Variants in PLXNB3 observed in about 807,000 individuals in gnomAD.
PLXNB3 encodes plexin B3, also known as plexin-B3.
Under a neutral mutation model 125.7 loss-of-function variants are expected in PLXNB3, and 80 were observed. The observed-to-expected ratio is 0.64, with a 90% confidence interval of 0.53 to 0.77. The LOEUF (loss-of-function observed/expected upper bound fraction) is 0.77, where lower values mean the gene tolerates loss of function less well. PLXNB3 is among the 30% of genes least tolerant of loss of function. The pLI is 0.00. For missense variants in PLXNB3, 1,836 were observed against 1,729.3 expected, an observed-to-expected ratio of 1.06 and a Z score of -1.09; for synonymous variants, 954 against 783.3, an observed-to-expected ratio of 1.22 and a Z score of -3.64.
At chrX:153,772,146 T>C in intron 15 of PLXNB3, 36 bp from the exon 16 acceptor site, 1 of 890,041 alleles carries the variant, frequency 1.1e-6, no homozygotes, top group South Asian at 4.2e-5. Flanking sequence ...CCTCCGTCCC[T>C]GAGCCCTGAG....
Position 153,775,585 on chromosome X carries a change from T to G in PLXNB3, c.4335-9T>G. ...ACAAAGGCCTGACCCTGTGGCCGGCTCCCCGCAGGACAGAGACCATGGTGG... is the reference window on the plus strand; with the variant it reads ...ACAAAGGCCTGACCCTGTGGCCGGCGCCCCGCAGGACAGAGACCATGGTGG... On this transcript the variant is annotated splice_polypyrimidine_tract_variant and intron_variant, in intron 25 of 35. Transcript: ENST00000361971. The G allele has an allele frequency of 8.3e-7, 1 of 1,208,627 alleles. No homozygotes were observed. Among genetic ancestry groups the G allele is most frequent in the Non-Finnish European group, 1.1e-6 (1 of 893,467 alleles).
intron 2 of PLXNB3, chrX:153,766,609 T>C: frequency 2.8e-6 from 3 of 1,058,535 alleles, no homozygotes; most frequent in Non-Finnish European, 3.6e-6. Context: ...AATTCTGTCC[T>C]TGTGTGCTTG....
chrX:153,778,791 G>A (rs1438851947), intron 35 of PLXNB3, 117 bp downstream of exon 35: 10 of 1,117,119 alleles, frequency 9.0e-6, no homozygotes, highest in East Asian at 3.3e-5. Flanking sequence ...GAAGGGACTC[G>A]GCTTTCATTC....
At chrX:153,769,750 CGG>C in intron 6 of PLXNB3, 55 bp from the exon 7 acceptor site, 1 of 1,137,164 alleles carries the variant, frequency 8.8e-7, no homozygotes, top group East Asian at 3.2e-5. Context: ...CCCCTGTTGC[CGG>C]TCATCCTTGG....
chrX:153,778,988 C>T lies in PLXNB3; in HGVS notation c.5679C>T (p.Cys1893=). Residue 1893 remains cysteine, a synonymous_variant, in exon 36 of 36, where the codon TGC becomes TGT. Coordinates refer to ENST00000361971, the MANE Select transcript of PLXNB3 (RefSeq NM_005393.3). ...TGGGCCAGAAGCTGCAGCTGGCCTG[C>T]CGCCTGCAGCAGGTCGCCGCCCTGG... ...DPVGQKLQLA[C]RLQQVAALVE... The T allele has an allele frequency of 8.3e-7, 1 of 1,198,247 alleles. No individual in the cohort carries two copies. Among genetic ancestry groups the T allele is most frequent in the Non-Finnish European group, 1.1e-6 (1 of 889,154 alleles).
intron 2 of PLXNB3, 150 bp from the exon 3 acceptor site, chrX:153,766,723 T>C: frequency 9.5e-7 from 1 of 1,057,819 alleles, no homozygotes; most frequent in Non-Finnish European, 1.2e-6. Context: ...TGTCTCCTTG[T>C]CTCCGCTCAC....
rs782394379 is a variant in PLXNB3, at chrX:153,776,983, G to A, written c.4927+3G>A. ...CCAGAGGTGCCCCTTGGGAGAGAGT[G>A]AGTCCCTCGGCCCTGACCTGGGGCC... On this transcript the variant is annotated splice_donor_region_variant and intron_variant, in intron 29 of 35. Coordinates refer to ENST00000361971, the MANE Select transcript of PLXNB3 (RefSeq NM_005393.3). 11 of 1,150,078 alleles carry A rather than the reference G, an allele frequency of 9.6e-6. No individual in the cohort carries two copies. The highest frequency in any genetic ancestry group is 1.3e-5 in the Non-Finnish European group (11 of 849,597). 94.8% of individuals were successfully genotyped at this position (1,150,078 alleles called of 1,213,427 possible).
chrX:153,770,423 C>A lies in PLXNB3; in HGVS notation c.1872C>A (p.Val624=). The A allele has an allele frequency of 8.3e-7, 1 of 1,210,307 alleles. No homozygotes were observed. The change falls in exon 9 of 36, where the codon GTC becomes GTA. Residue 624 remains valine, a synonymous_variant. Transcript: ENST00000361971. The part of the protein sequence containing the change: ...TNFSFYDCSA[V]QALEAAAPCR... ...TCTCCTTTTATGACTGCAGTGCCGT[C>A]CAGGCCTTGGAGGCGGCTGCCCCGT... is the stretch of plus-strand genomic sequence containing the variant.
chrX:153,771,267 G>T, intron 12 of PLXNB3, 43 bp from the exon 13 acceptor site: 1 of 1,071,876 alleles, frequency 9.3e-7, no homozygotes, highest in Non-Finnish European at 1.3e-6. Context: ...AGTCAGAGGT[G>T]CCCTGAGTGG....
At position 153,778,940 on chromosome X, in the gene PLXNB3, C is replaced by A; in HGVS notation, c.5631C>A (p.Ile1877=). The A allele has an allele frequency of 8.5e-7, 1 of 1,173,943 alleles. No homozygotes were observed. The highest frequency in any genetic ancestry group is 1.1e-6 in the Non-Finnish European group (1 of 876,504). The change falls in exon 36 of 36, where the codon ATC becomes ATA. Residue 1877 remains isoleucine, a synonymous_variant. Coordinates refer to ENST00000361971, the MANE Select transcript of PLXNB3 (RefSeq NM_005393.3). ...NHIHRYYDQI[I]SALEEDPVGQ... Reference sequence around the variant, plus strand: ...ACCCTCCTCTGCCCGGGCAGATTATCAGTGCCCTGGAGGAGGACCCTGTGG... The same window carrying A: ...ACCCTCCTCTGCCCGGGCAGATTATAAGTGCCCTGGAGGAGGACCCTGTGG...
Position 153,778,237 on chromosome X carries a change from GCGCCTCCCCT to G in PLXNB3, c.5410-22_5410-13del, listed in dbSNP as rs781901325. ...ACCTTCACCTCCGAGCTCATGCCTA[GCGCCTCCCCT>G]CCCTCCGGAGCAGGATTCCCCAGTG... On this transcript the variant is annotated splice_polypyrimidine_tract_variant and intron_variant, in intron 32 of 35. Transcript: ENST00000361971. The G allele has an allele frequency of 8.3e-7, 1 of 1,201,178 alleles. No individual in the cohort carries two copies. Among genetic ancestry groups the G allele is most frequent in the African/African-American group, 1.7e-5 (1 of 57,555 alleles).
rs1351284499 is a variant in PLXNB3, at chrX:153,769,257, G to A, written c.1491G>A (p.Gln497=). 2.6e-6 allele frequency: 3 copies of A among 1,161,035 alleles called. No individual in the cohort carries two copies. Among genetic ancestry groups the A allele is most frequent in the Admixed American group, 5.1e-5 (2 of 39,234 alleles). ...CGCTGTGTGGCTGGTGTGTCCTCCA[G>A]GGCAGGTGAGCACGGGGCCTGTGCC... ...QDPLCGWCVL[Q]GRCTRKGQCG... Residue 497 remains glutamine, a synonymous_variant, in exon 6 of 36, where the codon CAG becomes CAA. Transcript: ENST00000361971.
At chrX:153,769,667 T>C in intron 6 of PLXNB3, 140 bp from the exon 7 acceptor site, 1 of 659,346 alleles carries the variant, frequency 1.5e-6, no homozygotes, top group Non-Finnish European at 2.3e-6. Flanking sequence ...CCCCTTTCTC[T>C]CTGGACACAG....
rs782665748 is a variant in PLXNB3, at chrX:153,776,207, A to T, written c.4722A>T (p.Leu1574=). 8.5e-7 allele frequency: 1 copy of T among 1,174,688 alleles called. No individual in the cohort carries two copies. The highest frequency in any genetic ancestry group is 1.1e-6 in the Non-Finnish European group (1 of 875,902). ...PFSQRPSVHA[L]DLEWRSGLAG... ...CCCAGAGGCCCTCAGTGCATGCCCT[A>T]GACCTTGGTGAGAGAGCCAGCCCTG... Residue 1574 remains leucine (L), a synonymous_variant, in exon 27 of 36, where the codon CTA becomes CTT. Coordinates refer to ENST00000361971, the MANE Select transcript of PLXNB3 (RefSeq NM_005393.3).
intron 2 of PLXNB3, chrX:153,766,502 C>G (rs1395647694): frequency 3.8e-6 from 4 of 1,045,103 alleles, no homozygotes; most frequent in Non-Finnish European, 3.7e-6. Flanking sequence ...ATCCCTGCCC[C>G]CTCTGTGACT....
rs2092016273 is a variant in PLXNB3 at position 153,778,094 on chromosome X, G to A, written c.5408G>A (p.Arg1803Gln). The change falls in exon 32 of 36, where the codon CGG (arginine) becomes CAG (glutamine). Residue 1803 changes from arginine to glutamine, a missense_variant and splice_region_variant. By Grantham distance (43) the Arg-to-Gln change is conservative (BLOSUM62 1). Coordinates refer to ENST00000361971, the MANE Select transcript of PLXNB3 (RefSeq NM_005393.3). ...SCTTSEHKVG[R>Q]DSPVNKLLYA... ...ACCACCTCGGAGCATAAAGTGGGCC[G>A]GGTGAGAGCAGTGCCAGCAGCAGCA... 1 of 1,211,669 alleles carries A rather than the reference G, an allele frequency of 8.3e-7. No homozygotes were observed. Among genetic ancestry groups the A allele is most frequent in the Non-Finnish European group, 1.1e-6 (1 of 895,508 alleles).
In PLXNB3 at chrX:153,771,645, G is replaced by T; in HGVS notation, c.2507G>T (p.Ser836Ile). ...GAVELLCPAP[S>I]IDAVEPLTGP... ...GTGGAGCTGCTGTGTCCTGCGCCCA[G>T]CATTGATGCAGTGAGTCTCCTGCCG... The change falls in exon 14 of 36, where the codon AGC becomes ATC. Residue 836 changes from serine (S) to isoleucine (I), a missense_variant. Ser to Ile is a moderately radical substitution (Grantham distance 142). Transcript: ENST00000361971. The T allele has an allele frequency of 1.7e-6, 2 of 1,187,353 alleles. No homozygotes were observed. The highest frequency in any genetic ancestry group is 2.3e-6 in the Non-Finnish European group (2 of 884,736).
chrX:153,777,994 A>C lies in PLXNB3; in HGVS notation c.5308A>C (p.Ile1770Leu). 17 of 1,211,569 alleles carry C rather than the reference A, an allele frequency of 1.4e-5. No individual in the cohort carries two copies. The highest frequency in any genetic ancestry group is 1.6e-5 in the Non-Finnish European group (14 of 895,282). The change falls in exon 32 of 36, where the codon ATC becomes CTC. Residue 1770 changes from isoleucine (I) to leucine (L), a missense_variant. Coordinates refer to ENST00000361971, the MANE Select transcript of PLXNB3 (RefSeq NM_005393.3). ...GAATGCCTTGAAGAACCCACAGCTC[A>C]TCTTTGATGTACGGGTGTCGGACAA... ...WVNALKNPQL[I>L]FDVRVSDNVD...
Position 153,773,863 on chromosome X carries a change from C to T in PLXNB3, c.3284C>T (p.Ser1095Phe). 1 of 1,211,208 alleles carries T rather than the reference C, an allele frequency of 8.3e-7. No individual in the cohort carries two copies. Among genetic ancestry groups the T allele is most frequent in the Non-Finnish European group, 1.1e-6 (1 of 895,486 alleles). The change falls in exon 20 of 36, where the codon TCC becomes TTC. Residue 1095 changes from serine (S) to phenylalanine (F), a missense_variant. Ser to Phe is a radical substitution (Grantham distance 155). Transcript: ENST00000361971. ...TCGGCCCTGAATGCCCCACAGTGCT[C>T]CACCGTCTGCTCCGTCAACTCGTCC... ...IQLGGGLLQC[S>F]TVCSVNSSSL...
Sources: allele counts gnomAD v4.1 joint callset, GRCh38; gene constraint gnomAD v4.1.1; transcripts MANE v1.5; gene names NCBI Gene and HGNC (gene_info 2026-07-23, HGNC 2026-07-21).